UBA6: variants seen among roughly 807,000 people sequenced by gnomAD.
UBA6 encodes ubiquitin like modifier activating enzyme 6, also known as ubiquitin-like modifier-activating enzyme 6.
A neutral mutation model predicts 148.3 loss-of-function variants in UBA6; 87 were observed. The ratio of observed to expected loss-of-function variants is 0.59; its 90% confidence interval spans 0.49 to 0.70. The LOEUF is 0.70. Among genes scored for constraint, UBA6 ranks in the 30% least tolerant of loss-of-function variants. The pLI, the probability that UBA6 is intolerant of heterozygous loss-of-function variation, is 0.00. For synonymous variants in UBA6, 376 were observed against 401.0 expected, an observed-to-expected ratio of 0.94 and a Z score of 0.75; for missense variants, 1,186 against 1,241.2, an observed-to-expected ratio of 0.96 and a Z score of 0.67.
intron 13 of UBA6, among the ~76,000 whole-genome samples, chr4:67,650,184 T>C (rs761393910): frequency 1.8e-4 from 27 of 152,180 alleles, no homozygotes; most frequent in Non-Finnish European, 3.2e-4. Context: ...AGAATGATAA[T>C]AACAGTATAA....
chr4:67,636,645 C>T (rs1030543190), intron 19 of UBA6, among the ~76,000 whole-genome samples: 4 of 152,244 alleles, frequency 2.6e-5, no homozygotes, highest in African/African-American at 2.4e-5. Flanking sequence ...CTGCCAGCCT[C>T]GGCCTCCCGA....
chr4:67,637,911 C>T (rs940830088), intron 19 of UBA6, among the ~76,000 whole-genome samples: 8 of 146,304 alleles, frequency 5.5e-5, no homozygotes, highest in South Asian at 4.4e-4. Context: ...TCCCCCTATG[C>T]GAGAAACACC....
intron 9 of UBA6, among the ~76,000 whole-genome samples, chr4:67,668,211 G>A (rs1004118245): frequency 1.3e-5 from 2 of 152,096 alleles, no homozygotes; most frequent in African/African-American, 2.4e-5. Context: ...CTTTAGTTCT[G>A]TCTTGCATCT....
chr4:67,697,332 G>A (rs1337250184), intron 1 of UBA6, among the ~76,000 whole-genome samples: 1 of 152,178 alleles, frequency 6.6e-6, no homozygotes, highest in Non-Finnish European at 1.5e-5. Flanking sequence ...TAATGGATCT[G>A]TATTTCAGCA....
chr4:67,665,783 G>A (rs1219827002), intron 9 of UBA6, among the ~76,000 whole-genome samples: 2 of 151,794 alleles, frequency 1.3e-5, no homozygotes, highest in Non-Finnish European at 2.9e-5. Context: ...AAGACAACTG[G>A]GAGAATACCT....
intron 13 of UBA6, among the ~76,000 whole-genome samples, chr4:67,651,073 C>A (rs1470252476): frequency 6.6e-6 from 1 of 151,988 alleles, no homozygotes; most frequent in Non-Finnish European, 1.5e-5. Context: ...AAAAAGTAAG[C>A]ACAAAAAGCA....
intron 2 of UBA6, among the ~76,000 whole-genome samples, chr4:67,693,283 TTTC>T (rs1225172426): frequency 6.6e-6 from 1 of 152,054 alleles, no homozygotes; most frequent in African/African-American, 2.4e-5. Context: ...CTTACATGAT[TTTC>T]TTAACATTTT....
chr4:67,697,384 G>C (rs899308330), intron 1 of UBA6, among the ~76,000 whole-genome samples: 5 of 152,168 alleles, frequency 3.3e-5, no homozygotes, highest in Admixed American at 3.3e-4. Flanking sequence ...AGTCTTCCCA[G>C]ATAAACTCAT....
At chr4:67,656,665 T>C (rs1186790554) in intron 13 of UBA6, among the ~76,000 whole-genome samples, 1 of 152,208 alleles carries the variant, frequency 6.6e-6, no homozygotes, top group African/African-American at 2.4e-5. Flanking sequence ...AACATAGTCT[T>C]GGAAGTTCTC....
At chr4:67,697,277 T>G (rs1730863915) in intron 1 of UBA6, among the ~76,000 whole-genome samples, 1 of 152,260 alleles carries the variant, frequency 6.6e-6, no homozygotes, top group African/African-American at 2.4e-5. Context: ...AGTGCTAGGA[T>G]TACAGGCGTG....
chr4:67,618,054 C>CAAA lies in UBA6; in HGVS notation c.*942_*943insTTT, dbSNP rs1194957739. The CAAA allele has an allele frequency of 4.4e-4, 59 of 134,146 alleles. No individual in the cohort carries two copies. Among genetic ancestry groups the CAAA allele is most frequent in the African/African-American group, 1.3e-3 (47 of 36,788 alleles). The allele number at this position is 134,146 out of a possible 1,614,324, so 8.3% of individuals were successfully genotyped here. On this transcript the variant is annotated 3_prime_UTR_variant, in exon 33 of 33. Transcript: ENST00000322244. ...GTTTAAAAAAAAAAAACAAAAAAAA[C>CAAA]ACAAAATTTAATACCCTAATTAGGT...
chr4:67,692,595 C>T (rs1429140108), intron 2 of UBA6, among the ~76,000 whole-genome samples: 1 of 152,138 alleles, frequency 6.6e-6, no homozygotes, highest in Non-Finnish European at 1.5e-5. Context: ...ATTCTGAGGT[C>T]AGGAAGTACC....
chr4:67,637,315 T>C (rs1397360142), intron 19 of UBA6, among the ~76,000 whole-genome samples: 2 of 134,750 alleles, frequency 1.5e-5, no homozygotes, highest in Non-Finnish European at 1.6e-5. Flanking sequence ...GGGAGGGAGG[T>C]GGGGGCCAGC....
intron 13 of UBA6, among the ~76,000 whole-genome samples, chr4:67,649,863 T>A (rs934108197): frequency 3.9e-5 from 6 of 152,294 alleles, no homozygotes; most frequent in African/African-American, 1.4e-4. Flanking sequence ...CTCTTCTTAT[T>A]CTTTAAACAT....
rs541723575 is a variant in UBA6, at chr4:67,628,820, C to T, written c.2400+251G>A. 2.0e-5 allele frequency among the ~76,000 whole-genome samples: 3 copies of T among 151,878 alleles called. No homozygotes were observed. In the East Asian group the frequency reaches 5.8e-4, roughly 29 times the overall value. On this transcript the variant is annotated intron_variant, in intron 27 of 32. Transcript: ENST00000322244. Reference sequence around the variant, plus strand: ...TTAATACCCACAATGATATAGTGGGCATAAAAAAATATTAACTGAGTAGCT... The same window carrying T: ...TTAATACCCACAATGATATAGTGGGTATAAAAAAATATTAACTGAGTAGCT...
intron 1 of UBA6, among the ~76,000 whole-genome samples, chr4:67,697,339 A>G (rs887318365): frequency 3.3e-5 from 5 of 152,192 alleles, no homozygotes; most frequent in African/African-American, 1.2e-4. Flanking sequence ...TCTGTATTTC[A>G]GCAATTCTGT....
At chr4:67,675,423 T>C (rs1730255716) in intron 6 of UBA6, among the ~76,000 whole-genome samples, 2 of 152,234 alleles carry the variant, frequency 1.3e-5, no homozygotes, top group Admixed American at 1.3e-4. Context: ...CAAATAATTC[T>C]ATTCTCCTAA....
At chr4:67,639,245 G>T in intron 18 of UBA6, 121 bp from the exon 19 acceptor site, 1 of 674,894 alleles carries the variant, frequency 1.5e-6, no homozygotes, top group Non-Finnish European at 2.3e-6. Flanking sequence ...CATATATAAT[G>T]AGAGTAATGA....
intron 2 of UBA6, among the ~76,000 whole-genome samples, chr4:67,685,517 G>A (rs564764712): frequency 4.1e-4 from 62 of 152,152 alleles, no homozygotes; most frequent in African/African-American, 1.5e-3. Flanking sequence ...TTTTACTACT[G>A]GGAGGTAATA....
Sources: allele counts gnomAD v4.1 joint callset (sites outside exome capture counted in the v4.1 genomes callset), GRCh38; gene constraint gnomAD v4.1.1; transcripts MANE v1.5; gene names NCBI Gene and HGNC (gene_info 2026-07-23, HGNC 2026-07-21).